Variants in SEZ6 observed in about 807,000 individuals in gnomAD.
SEZ6 encodes seizure protein 6 homolog.
Under a neutral mutation model 101.0 loss-of-function variants are expected in SEZ6, and 53 were observed. The ratio of observed to expected loss-of-function variants is 0.52; its 90% CI spans 0.42 to 0.66. The LOEUF (loss-of-function observed/expected upper bound fraction) is 0.66. SEZ6 is among the 30% of genes least tolerant of loss of function. The pLI, the probability that SEZ6 is intolerant of heterozygous loss-of-function variation, is 0.00. For missense variants in SEZ6, 1,102 were observed against 1,289.4 expected, an observed-to-expected ratio of 0.85 and a Z score of 2.23; for synonymous variants, 488 against 512.2, an observed-to-expected ratio of 0.95 and a Z score of 0.64.
intron 4 of SEZ6, 40 bp from the exon 5 acceptor site, chr17:28,964,187 G>C: frequency 2.0e-6 from 3 of 1,501,668 alleles, no homozygotes; most frequent in Non-Finnish European, 2.7e-6. Context: ...ATGTGTGCAG[G>C]GTGGGGGCGG....
chr17:28,955,679 C>A lies in SEZ6; in HGVS notation c.*283G>T, dbSNP rs2040867086. On this transcript the variant is annotated 3_prime_UTR_variant, in exon 17 of 17. Coordinates refer to ENST00000317338, the MANE Select transcript of SEZ6 (RefSeq NM_178860.5). ...CCAGGGCATGAGGAGGCTCAGGATG[C>A]TGGCTGTTGATGCTTGTGCTCCAGC... is the stretch of plus-strand genomic sequence containing the variant. 3.1e-6 allele frequency: 2 copies of A among 639,468 alleles called. No homozygotes were observed. Among genetic ancestry groups the A allele is most frequent in the African/African-American group, 1.8e-5 (1 of 55,856 alleles). 39.6% of individuals were successfully genotyped at this position (639,468 alleles called of 1,614,324 possible).
rs2040949496 is a variant in SEZ6 at position 28,959,920 on chromosome 17, C to G, written c.1577-28G>C. 1 of 1,580,992 alleles carries G rather than the reference C, an allele frequency of 6.3e-7. No homozygotes were observed. The highest frequency in any genetic ancestry group is 1.3e-5 in the African/African-American group (1 of 74,180). ...GTAAACCACAGGTCCCAGCCCAGCTCAGCCTTGACTGGTATTAAACACAGT... is the reference window on the plus strand; with the variant it reads ...GTAAACCACAGGTCCCAGCCCAGCTGAGCCTTGACTGGTATTAAACACAGT... On this transcript the variant is annotated intron_variant, in intron 7 of 16. Coordinates refer to ENST00000317338, the MANE Select transcript of SEZ6 (RefSeq NM_178860.5). This position sits in a 1 kb window ranked among gnomAD's most constrained non-coding sequence, Gnocchi z 4.4.
intron 1 of SEZ6, among the ~76,000 whole-genome samples, chr17:28,984,526 G>A (rs1032603400): frequency 6.6e-6 from 1 of 152,184 alleles, no homozygotes; most frequent in Non-Finnish European, 1.5e-5. Context: ...AGCTCTTCCC[G>A]CTGGCTGCCA....
chr17:28,984,505 A>G (rs2041350989), intron 1 of SEZ6, among the ~76,000 whole-genome samples: 1 of 152,170 alleles, frequency 6.6e-6, no homozygotes, highest in African/African-American at 2.4e-5. Flanking sequence ...GGAAGTGTCC[A>G]GGGCAGGCAC....
intron 3 of SEZ6, among the ~76,000 whole-genome samples, chr17:28,973,576 C>A (rs1421123789): frequency 6.6e-6 from 1 of 152,152 alleles, no homozygotes; most frequent in African/African-American, 2.4e-5. Flanking sequence ...TGGCTCCTAT[C>A]CAGAAGGCTC....
intron 10 of SEZ6, among the ~76,000 whole-genome samples, chr17:28,958,641 T>A (rs1056116289): frequency 2.6e-5 from 4 of 152,004 alleles, no homozygotes; most frequent in Non-Finnish European, 5.9e-5. Flanking sequence ...AATAAAAAAA[T>A]TAGCCAGGCG....
In SEZ6 at chr17:28,957,207, G is replaced by A; in HGVS notation, c.2530C>T (p.Pro844Ser). The A allele has an allele frequency of 6.2e-7, 1 of 1,614,008 alleles. No individual in the cohort carries two copies. Among genetic ancestry groups the A allele is most frequent in the Non-Finnish European group, 8.5e-7 (1 of 1,179,882 alleles). Residue 844 changes from proline (P) to serine (S), a missense_variant, in exon 13 of 17, where the codon CCT becomes TCT. By Grantham distance (74) the Pro-to-Ser change is moderately conservative. Around this residue, in one of 3 missense-constraint regions of SEZ6, gnomAD observed 556 missense variants for 735.1 expected, o/e 0.76. Coordinates refer to ENST00000317338, the MANE Select transcript of SEZ6 (RefSeq NM_178860.5). ...TCAGGACTTCGGGCACCATTCTCAG[G>A]GGCACTGAGACCATGGCATGGCTTG... ...QLKPCHGLSA[P>S]ENGARSPEKQ...
chr17:28,960,489 G>T lies in SEZ6; in HGVS notation c.1576+16C>A. 6.3e-7 allele frequency: 1 copy of T among 1,581,654 alleles called. No individual in the cohort carries two copies. The highest frequency in any genetic ancestry group is 8.6e-7 in the Non-Finnish European group (1 of 1,164,732). ...CCGTGGACCCGCCACCCCCAGTGAG[G>T]CCCCAGCAGGCTCACCCTCATAGCG... On this transcript the variant is annotated intron_variant, in intron 7 of 16. Transcript: ENST00000317338.
At chr17:28,991,755 G>A (rs1211005341) in intron 1 of SEZ6, among the ~76,000 whole-genome samples, 1 of 152,114 alleles carries the variant, frequency 6.6e-6, no homozygotes, top group Non-Finnish European at 1.5e-5. Flanking sequence ...GAAAGGCCTC[G>A]GGGAACTGGG....
rs1302475260 is a variant in SEZ6, at chr17:28,982,045, A to T, written c.56-6T>A. On this transcript the variant is annotated splice_region_variant and splice_polypyrimidine_tract_variant and intron_variant, in intron 1 of 16. Transcript: ENST00000317338. ...TGGGGCCTCTAAAGAGAGTCCTGAA[A>T]TAATAAGGGATGGTCAGAGGTTCTC... 6.4e-7 allele frequency: 1 copy of T among 1,571,898 alleles called. No homozygotes were observed. The highest frequency in any genetic ancestry group is 1.2e-5 in the South Asian group (1 of 86,700).
Position 28,959,682 on chromosome 17 carries a change from A to G in SEZ6, c.1771+16T>C. ...TGCCTTTTGCCCGGTAGGCCCATCC[A>G]CTGGTGTCTACTGACCTCGGCAGGC... On this transcript the variant is annotated intron_variant, in intron 8 of 16. Transcript: ENST00000317338. This position sits in a 1 kb window ranked among gnomAD's most constrained non-coding sequence, Gnocchi z 4.4. 6 of 1,568,888 alleles carry G rather than the reference A, an allele frequency of 3.8e-6. No individual in the cohort carries two copies. The highest frequency in any genetic ancestry group is 5.2e-6 in the Non-Finnish European group (6 of 1,156,316).
intron 1 of SEZ6, among the ~76,000 whole-genome samples, chr17:28,993,261 T>C (rs974631561): frequency 6.6e-6 from 1 of 152,078 alleles, no homozygotes; most frequent in African/African-American, 2.4e-5. Flanking sequence ...CTGGAGGCGT[T>C]TCTGTCCATC....
intron 4 of SEZ6, among the ~76,000 whole-genome samples, chr17:28,969,465 A>G (rs2152686198): frequency 6.6e-6 from 1 of 152,258 alleles, no homozygotes; most frequent in South Asian, 2.1e-4. Context: ...GGTGCCTAGG[A>G]AAAGTTTGCT....
intron 3 of SEZ6, 99 bp from the exon 4 acceptor site, chr17:28,970,051 A>T: frequency 9.0e-7 from 1 of 1,111,322 alleles, no homozygotes; most frequent in South Asian, 1.7e-5. Flanking sequence ...GGGCAGATCA[A>T]TCCTCAATGC....
At chr17:28,994,474 C>T (rs999333686) in intron 1 of SEZ6, among the ~76,000 whole-genome samples, 15 of 152,084 alleles carry the variant, frequency 9.9e-5, no homozygotes, top group African/African-American at 3.4e-4. Flanking sequence ...CAGGGTTTCA[C>T]CGTGTTAGCC....
At chr17:29,006,066 C>T (rs1280201875), upstream of SEZ6, 7 of 371,504 alleles carry the variant, frequency 1.9e-5, no homozygotes, top group Non-Finnish European at 1.8e-5. Flanking sequence ...CGGGGATCGC[C>T]GAGCGGGGCT....
chr17:28,970,845 A>G (rs1004123042), intron 3 of SEZ6, among the ~76,000 whole-genome samples: 1 of 152,186 alleles, frequency 6.6e-6, no homozygotes, highest in African/African-American at 2.4e-5. Flanking sequence ...CTTAGCCCTC[A>G]AGGCCCTGCC....
rs2041678595 is a variant in SEZ6 at position 29,005,662 on chromosome 17, C to G, written c.55+153G>C. ...CCCGCCCGCGAAGCCCGCGCCCCGCCCGGCTTGGCCGGCGCCGGGGGCAGC... is the reference window on the plus strand; with the variant it reads ...CCCGCCCGCGAAGCCCGCGCCCCGCGCGGCTTGGCCGGCGCCGGGGGCAGC... On this transcript the variant is annotated intron_variant, in intron 1 of 16. Coordinates refer to ENST00000317338, the MANE Select transcript of SEZ6 (RefSeq NM_178860.5). This position sits in a 1 kb window ranked among gnomAD's most constrained non-coding sequence, Gnocchi z 4.8. Among the ~76,000 whole-genome samples, 1 of 151,132 alleles carries G rather than the reference C, an allele frequency of 6.6e-6. No individual in the cohort carries two copies. The highest frequency in any genetic ancestry group is 2.4e-5 in the African/African-American group (1 of 41,334).
intron 3 of SEZ6, among the ~76,000 whole-genome samples, chr17:28,976,003 G>T (rs980206405): frequency 1.8e-4 from 28 of 152,226 alleles, no homozygotes; most frequent in African/African-American, 6.8e-4. Context: ...CACATGGGCT[G>T]TGAGGCTCAT....
Sources: allele counts gnomAD v4.1 joint callset (sites outside exome capture counted in the v4.1 genomes callset), GRCh38; gene constraint gnomAD v4.1.1; regional missense constraint gnomAD v4.1.1; non-coding constraint Gnocchi (gnomAD v3.1); transcripts MANE v1.5; gene names NCBI Gene and HGNC (gene_info 2026-07-23, HGNC 2026-07-21).